SHC4: variants seen among roughly 807,000 people sequenced by gnomAD.
SHC4 encodes SHC-transforming protein 4.
In SHC4, 41 loss-of-function variants were observed where a neutral mutation model predicts 69.4. That is an observed-to-expected ratio of 0.59 (90% CI 0.46 to 0.77). The LOEUF is 0.77. Among genes scored for constraint, SHC4 ranks in the 30% least tolerant of loss-of-function variants. The pLI is 0.00. For missense variants in SHC4, 777 were observed against 783.8 expected (o/e 0.99, Z 0.10); for synonymous variants, 318 against 299.3 (o/e 1.06, Z -0.64).
In SHC4 at chr15:48,890,806, G is replaced by A; in HGVS notation, c.662C>T (p.Ala221Val). 6.2e-7 allele frequency: 1 copy of A among 1,614,118 alleles called. No homozygotes were observed. Among genetic ancestry groups the A allele is most frequent in the Non-Finnish European group, 8.5e-7 (1 of 1,179,996 alleles). ...GACAGCTTCACACAGGCGACTTATT[G>A]CTTCCCTAAAGAACAGAAACCATAT... ...FGMRTQVTREAISRLCEAVPG... is the reference protein window; with the variant it reads ...FGMRTQVTREVISRLCEAVPG... The change falls in exon 3 of 12, where the codon GCA becomes GTA. Residue 221 changes from alanine to valine, a missense_variant. Transcript: ENST00000332408.
intron 1 of SHC4, among the ~76,000 whole-genome samples, chr15:48,952,649 C>T (rs1248531024): frequency 1.3e-5 from 2 of 152,132 alleles, no homozygotes; most frequent in South Asian, 2.1e-4. Context: ...AAGAAGACAT[C>T]CATGTGGCCA....
In SHC4 at chr15:48,962,812, C is replaced by T. The variant is rs756979360; in HGVS notation, c.204G>A (p.Pro68=). The change falls in exon 1 of 12, where the codon CCG becomes CCA. Residue 68 remains proline, a synonymous_variant. Coordinates refer to ENST00000332408, the MANE Select transcript of SHC4 (RefSeq NM_203349.4). The stretch of plus-strand genomic sequence containing the variant: ...GCGACGGCAAGGTGGCATCTTCAGT[C>T]GGCAGGTGAGGTGCCAGGGCGGGGT... ...PPHPALAPHL[P]TEDATLPSQE... is the part of the protein sequence containing the mutation. 5 of 1,604,414 alleles carry T rather than the reference C, an allele frequency of 3.1e-6. No homozygotes were observed. In the South Asian group the frequency reaches 3.3e-5, roughly 11 times the overall value.
intron 9 of SHC4, among the ~76,000 whole-genome samples, chr15:48,843,913 C>T (rs1899041529): frequency 6.6e-6 from 1 of 152,196 alleles, no homozygotes; most frequent in South Asian, 2.1e-4. Context: ...TCTCAGCAAA[C>T]AGCACAAACC....
At chr15:48,845,245 T>C (rs1024036929) in intron 9 of SHC4, among the ~76,000 whole-genome samples, 6 of 152,164 alleles carry the variant, frequency 3.9e-5, no homozygotes, top group Admixed American at 3.9e-4. Context: ...TTGTAACTCA[T>C]AGTATGGAAA....
intron 5 of SHC4, among the ~76,000 whole-genome samples, chr15:48,871,496 T>C (rs1156960222): frequency 6.6e-6 from 1 of 152,218 alleles, no homozygotes; most frequent in Admixed American, 6.5e-5. Flanking sequence ...AGTCAAGGAA[T>C]GACACTCCAT....
chr15:48,904,956 C>T (rs1327555609), intron 2 of SHC4, among the ~76,000 whole-genome samples: 1 of 151,360 alleles, frequency 6.6e-6, no homozygotes, highest in Non-Finnish European at 1.5e-5. Flanking sequence ...CACACACACA[C>T]ACACACACAC....
intron 4 of SHC4, among the ~76,000 whole-genome samples, chr15:48,873,594 A>G (rs1468396165): frequency 1.3e-5 from 2 of 152,184 alleles, no homozygotes; most frequent in Non-Finnish European, 2.9e-5. Flanking sequence ...AATACAAAAA[A>G]TTAGCTGGGC....
intron 7 of SHC4, 112 bp from the exon 8 acceptor site, chr15:48,856,236 T>G (rs1899313099): frequency 2.0e-6 from 2 of 1,017,956 alleles, no homozygotes; most frequent in Non-Finnish European, 2.9e-6. Context: ...CATTCATGTT[T>G]TCAGTTTATA....
rs914295023 is a variant in SHC4, at chr15:48,889,510, T to C, written c.720+1238A>G. ...ATCTCTTGTCTCAGACTCAGTTTAG[T>C]AGCTGGCAAAATGAAAAGGTTAGAC... On this transcript the variant is annotated intron_variant, in intron 3 of 11. Coordinates refer to ENST00000332408, the MANE Select transcript of SHC4 (RefSeq NM_203349.4). Among the ~76,000 whole-genome samples the C allele has an allele frequency of 2.6e-5, 4 of 152,178 alleles. No individual in the cohort carries two copies. In the East Asian group the frequency reaches 7.7e-4, roughly 29 times the overall value.
chr15:48,962,721 C>A lies in SHC4; in HGVS notation c.295G>T (p.Ala99Ser). 1 of 1,613,962 alleles carries A rather than the reference C, an allele frequency of 6.2e-7. No individual in the cohort carries two copies. The highest frequency in any genetic ancestry group is 8.5e-7 in the Non-Finnish European group (1 of 1,180,032). Reference sequence around the variant, plus strand: ...AAGTTTTTCAGACTCAGCAAAGTGGCCGGGTTGGCCAGCTTCATGCTTGCC... The same window carrying A: ...AAGTTTTTCAGACTCAGCAAAGTGGACGGGTTGGCCAGCTTCATGCTTGCC... Reference protein sequence around the residue: ...RMASMKLANPATLLSLKNFCL... With the variant: ...RMASMKLANPSTLLSLKNFCL... The change falls in exon 1 of 12, where the codon GCC becomes TCC. Residue 99 changes from alanine to serine, a missense_variant. Transcript: ENST00000332408.
At chr15:48,939,982 G>A (rs1366141931) in intron 1 of SHC4, among the ~76,000 whole-genome samples, 1 of 152,248 alleles carries the variant, frequency 6.6e-6, no homozygotes, top group African/African-American at 2.4e-5. Context: ...GAGATGCCAA[G>A]AGGCGGCAGC....
chr15:48,834,824 C>T lies in SHC4; in HGVS notation c.1682G>A (p.Ser561Asn), dbSNP rs1898869642. Residue 561 changes from serine to asparagine, a missense_variant, in exon 11 of 12, where the codon AGT becomes AAT. Coordinates refer to ENST00000332408, the MANE Select transcript of SHC4 (RefSeq NM_203349.4). ...SATSPGQYVL[S>N]GLQGGQAKHL... ...TTTTGCTTGGCCTCCCTGTAGTCCA[C>T]TCAGCACATATTGGCCAGGGGATGT... The T allele has an allele frequency of 1.9e-6, 3 of 1,614,194 alleles. No individual in the cohort carries two copies. Among genetic ancestry groups the T allele is most frequent in the Non-Finnish European group, 1.7e-6 (2 of 1,180,028 alleles).
intron 11 of SHC4, among the ~76,000 whole-genome samples, chr15:48,828,115 GTATA>G (rs57462591): frequency 0.24 from 17,949 of 75,036 alleles, 1,413 homozygotes; most frequent in Admixed American, 0.39. Context: ...GTGTGTGTGT[GTATA>G]TATATATATA....
chr15:48,848,302 G>A (rs1418462846), intron 9 of SHC4, among the ~76,000 whole-genome samples: 1 of 152,140 alleles, frequency 6.6e-6, no homozygotes, highest in Non-Finnish European at 1.5e-5. Flanking sequence ...AAACAATGTT[G>A]TAATTCAGTG....
intron 1 of SHC4, among the ~76,000 whole-genome samples, chr15:48,950,013 A>T (rs2141038938): frequency 7.0e-6 from 1 of 142,342 alleles, no homozygotes; most frequent in African/African-American, 2.6e-5. Context: ...TTATTAAAAT[A>T]TTTATTATTA....
chr15:48,899,531 A>G (rs1900281667), intron 2 of SHC4, among the ~76,000 whole-genome samples: 1 of 152,126 alleles, frequency 6.6e-6, no homozygotes, highest in Admixed American at 6.6e-5. Flanking sequence ...AGGTGTCTAT[A>G]TTACTGAGCA....
At chr15:48,828,705 A>T (rs1377927530) in intron 11 of SHC4, among the ~76,000 whole-genome samples, 1 of 152,094 alleles carries the variant, frequency 6.6e-6, no homozygotes, top group East Asian at 1.9e-4. Context: ...CCATCTTAAC[A>T]AGTGTGAGGT....
intron 2 of SHC4, among the ~76,000 whole-genome samples, chr15:48,896,182 C>T (rs1236135099): frequency 6.6e-6 from 1 of 151,966 alleles, no homozygotes; most frequent in Non-Finnish European, 1.5e-5. Flanking sequence ...AACTTTCCTT[C>T]TTTCTTTTTC....
chr15:48,957,649 A>T (rs1376022685), intron 1 of SHC4, among the ~76,000 whole-genome samples: 1 of 152,242 alleles, frequency 6.6e-6, no homozygotes, highest in Non-Finnish European at 1.5e-5. Flanking sequence ...GTGAGCAAAC[A>T]CATTGCAATA....
Sources: gnomAD v4.1 joint callset for allele counts (sites outside exome capture counted in the v4.1 genomes callset) on GRCh38, gnomAD v4.1.1 for gene constraint, MANE v1.5 for transcripts, NCBI Gene and HGNC (gene_info 2026-07-23, HGNC 2026-07-21) for gene names.